The following RHOT1 variants were observed in gnomAD, a reference collection of about 807,000 sequenced individuals.
The protein encoded by RHOT1 is ras homolog family member T1.
A neutral mutation model predicts 95.3 loss-of-function variants in RHOT1; 27 were observed. The ratio of observed to expected loss-of-function variants is 0.28; its 90% CI spans 0.21 to 0.39. The LOEUF is 0.39. RHOT1 is among the 10% of genes least tolerant of loss of function. RHOT1 has a pLI of 1.00. For missense variants in RHOT1, 578 were observed against 786.7 expected (o/e 0.73, Z 3.17); for synonymous variants, 227 against 263.5 (o/e 0.86, Z 1.34).
intron 1 of RHOT1, among the ~76,000 whole-genome samples, chr17:32,166,374 CTGCTGACTGA>C (rs997196790): frequency 1.4e-4 from 22 of 152,104 alleles, no homozygotes; most frequent in Admixed American, 3.3e-4. Context: ...GGGTTGATGG[CTGCTGACTGA>C]TTAGGGTGGT....
At chr17:32,173,236 G>C (rs2142538292) in intron 2 of RHOT1, among the ~76,000 whole-genome samples, 1 of 152,310 alleles carries the variant, frequency 6.6e-6, no homozygotes, top group East Asian at 1.9e-4. Flanking sequence ...TACAAGTTGA[G>C]CATCCTTTAT....
intron 6 of RHOT1, chr17:32,179,946 G>T (rs2035468473): frequency 1.4e-5 from 2 of 142,762 alleles, no homozygotes; most frequent in Non-Finnish European, 3.0e-5. Flanking sequence ...CACCCCATCT[G>T]GGATGTGAGG....
intron 14 of RHOT1, 104 bp downstream of exon 14, chr17:32,201,160 C>CGAG: frequency 1.2e-5 from 7 of 600,440 alleles, no homozygotes; most frequent in South Asian, 2.1e-5. Flanking sequence ...ATTAGTCTTC[C>CGAG]ATCTACACTC....
intron 7 of RHOT1, 26 bp from the exon 8 acceptor site, chr17:32,183,145 C>T: frequency 6.6e-7 from 1 of 1,518,262 alleles, no homozygotes; most frequent in Non-Finnish European, 9.0e-7. Context: ...TAATTGATTT[C>T]AGAGTGTAAA....
chr17:32,219,386 C>A lies in RHOT1; in HGVS notation c.1863-5230C>A, dbSNP rs12019080. On this transcript the variant is annotated intron_variant, in intron 19 of 19. Coordinates refer to ENST00000545287, the MANE Select transcript of RHOT1 (RefSeq NM_001033566.3). Reference sequence around the variant, plus strand: ...TAAGCAGCCCTCCAACTTCAGCCCCCCAAAGATCTGGGATTACAGTGTGAG... The same window carrying A: ...TAAGCAGCCCTCCAACTTCAGCCCCACAAAGATCTGGGATTACAGTGTGAG... Among the ~76,000 whole-genome samples the A allele has an allele frequency of 8.9e-4, 135 of 152,238 alleles. 1 individual carries two copies. Among genetic ancestry groups the A allele is most frequent in the Middle Eastern group, 6.8e-3 (2 of 294 alleles).
chr17:32,208,055 TA>T, intron 17 of RHOT1, 51 bp from the exon 18 acceptor site: 4 of 1,484,838 alleles, frequency 2.7e-6, no homozygotes, highest in Non-Finnish European at 3.8e-6. Context: ...TTTAATTAAA[TA>T]GTAATTTTTG....
chr17:32,164,422 C>T lies in RHOT1; in HGVS notation c.38-6621C>T, dbSNP rs928725605. ...CTAATTTTTGTATTTTTAGTAGAGA[C>T]GGGGTTTCACCATGTTGACCAGGAT... On this transcript the variant is annotated intron_variant, in intron 1 of 19. Coordinates refer to ENST00000545287, the MANE Select transcript of RHOT1 (RefSeq NM_001033566.3). 2.6e-5 allele frequency among the ~76,000 whole-genome samples: 4 copies of T among 151,458 alleles called. No individual in the cohort carries two copies. The East Asian group carries it at 6.1e-4, about 23-fold the overall frequency.
intron 1 of RHOT1, chr17:32,151,523 C>A: frequency 1.8e-6 from 1 of 558,010 alleles, no homozygotes; most frequent in South Asian, 1.9e-5. Context: ...TGAAATCTGT[C>A]ATGAATCCCC....
intron 11 of RHOT1, among the ~76,000 whole-genome samples, chr17:32,196,782 C>G (rs1468958837): frequency 1.3e-5 from 2 of 152,102 alleles, no homozygotes; most frequent in Non-Finnish European, 2.9e-5. Context: ...ATGTGGCTCC[C>G]TAGCATCCTT....
At chr17:32,182,966 C>T in intron 7 of RHOT1, 101 bp downstream of exon 7, 1 of 850,370 alleles carries the variant, frequency 1.2e-6, no homozygotes. Flanking sequence ...AAATTTCCTG[C>T]TATTTGTGAA....
chr17:32,148,036 C>T (rs565022069), intron 1 of RHOT1, among the ~76,000 whole-genome samples: 2 of 152,076 alleles, frequency 1.3e-5, no homozygotes, highest in South Asian at 2.1e-4. Context: ...GAGGCTGAGG[C>T]GGGCGGATCA....
At chr17:32,188,788 G>T (rs1208667309) in intron 8 of RHOT1, among the ~76,000 whole-genome samples, 1 of 152,078 alleles carries the variant, frequency 6.6e-6, no homozygotes, top group Non-Finnish European at 1.5e-5. Flanking sequence ...TTGCCTGTTG[G>T]CCCCAAAGCC....
chr17:32,189,363 G>A (rs987593854), intron 8 of RHOT1, among the ~76,000 whole-genome samples: 6 of 152,168 alleles, frequency 3.9e-5, no homozygotes, highest in South Asian at 2.1e-4. Flanking sequence ...ATTCAGCTAG[G>A]TGTTGTATTT....
intron 19 of RHOT1, among the ~76,000 whole-genome samples, chr17:32,214,894 CTTTTTTTTTTTTTTTTTTT>C (rs551151153): frequency 1.9e-5 from 1 of 52,818 alleles, no homozygotes; most frequent in Non-Finnish European, 3.5e-5. Flanking sequence ...AAAGGCTTGT[CTTTTTTTTTTTTTTTTTTT>C]TTTTTTTTTT....
chr17:32,161,654 CA>C (rs1401372897), intron 1 of RHOT1, among the ~76,000 whole-genome samples: 3 of 152,146 alleles, frequency 2.0e-5, no homozygotes, highest in Non-Finnish European at 4.4e-5. Flanking sequence ...CAGGAATGAC[CA>C]GGGACAGCTT....
intron 19 of RHOT1, chr17:32,220,969 C>A: frequency 3.6e-6 from 2 of 548,008 alleles, no homozygotes; most frequent in Non-Finnish European, 4.6e-6. Context: ...AAAAACTATG[C>A]AGTAAGATAC....
At chr17:32,171,196 G>A (rs1325210953) in intron 2 of RHOT1, 95 bp downstream of exon 2, 3 of 831,382 alleles carry the variant, frequency 3.6e-6, no homozygotes, top group African/African-American at 1.8e-5. Flanking sequence ...TGTGTTATGT[G>A]CTTCCTTTTG....
intron 11 of RHOT1, among the ~76,000 whole-genome samples, chr17:32,198,553 A>G (rs2037073920): frequency 6.6e-6 from 1 of 152,212 alleles, no homozygotes; most frequent in East Asian, 1.9e-4. Flanking sequence ...CTACAAAAAT[A>G]CAAAAATTAG....
At chr17:32,222,496 A>G (rs1206013142) in intron 19 of RHOT1, among the ~76,000 whole-genome samples, 1 of 152,164 alleles carries the variant, frequency 6.6e-6, no homozygotes, top group Non-Finnish European at 1.5e-5. Context: ...TGTTTAGAGA[A>G]TGTATATAAC....
Sources: gnomAD v4.1 joint callset for allele counts (sites outside exome capture counted in the v4.1 genomes callset) on GRCh38, gnomAD v4.1.1 for gene constraint, MANE v1.5 for transcripts, NCBI Gene and HGNC (gene_info 2026-07-23, HGNC 2026-07-21) for gene names.